The following GLUD1 variants were observed in gnomAD, a reference collection of about 807,000 sequenced individuals.
GLUD1 encodes the protein glutamate dehydrogenase 1, mitochondrial.
In GLUD1, 22 loss-of-function variants were observed where a neutral mutation model predicts 56.0. That is an observed-to-expected ratio of 0.39 (90% CI 0.28 to 0.56). GLUD1 has a LOEUF of 0.56. GLUD1 is among the 20% of genes least tolerant of loss of function. The probability of loss-of-function intolerance (pLI) is 0.58; values close to 1 mark genes in which losing one functional copy is unlikely to be tolerated. For synonymous variants in GLUD1, 223 were observed against 269.9 expected, an observed-to-expected ratio of 0.83 and a Z score of 1.70; for missense variants, 451 against 732.0, an observed-to-expected ratio of 0.62 and a Z score of 4.43.
rs757572079 is a variant in GLUD1 at position 87,062,624 on chromosome 10, ATTAAGGAAACTTTTT to A, written c.921+17_921+31del. 1 of 1,530,258 alleles carries A rather than the reference ATTAAGGAAACTTTTT, an allele frequency of 6.5e-7. No individual in the cohort carries two copies. Among genetic ancestry groups the A allele is most frequent in the Non-Finnish European group, 9.0e-7 (1 of 1,106,102 alleles). The allele number at this position is 1,530,258 out of a possible 1,614,324, so 94.8% of individuals were successfully genotyped here. A position where few individuals can be genotyped will look rare whatever the true frequency, so the allele number is the denominator to read the frequency against. On this transcript the variant is annotated intron_variant, in intron 6 of 12. Transcript: ENST00000277865. The stretch of plus-strand genomic sequence containing the variant: ...AAACTTTACTTAATGTCTATCAGTT[ATTAAGGAAACTTTTT>A]TTGTTTTTGTTTTTACCTGAACAAC...
Position 87,060,589 on chromosome 10 carries a change from C to T in GLUD1, c.1197+99G>A, listed in dbSNP as rs186601265. The stretch of plus-strand genomic sequence containing the variant: ...GTATGTGCAGTATGTGCCAATAAAG[C>T]TGCTAAAAAGAAAGAGAAAACTCAA... On this transcript the variant is annotated intron_variant, in intron 8 of 12. Transcript: ENST00000277865. 884 of 1,421,182 alleles carry T rather than the reference C, an allele frequency of 6.2e-4. 3 individuals carry two copies. The African/African-American group carries it at 0.011, about 18-fold the overall frequency. The allele number at this position is 1,421,182 out of a possible 1,614,324, so 88.0% of individuals were successfully genotyped here.
chr10:87,060,501 C>T (rs997715462), intron 8 of GLUD1, 187 bp downstream of exon 8: 3 of 777,272 alleles, frequency 3.9e-6, no homozygotes, highest in African/African-American at 1.7e-5. Flanking sequence ...GTAATGGTTG[C>T]ACAACTCTGT....
At chr10:87,069,348 T>C (rs1248854264) in intron 4 of GLUD1, among the ~76,000 whole-genome samples, 1 of 151,534 alleles carries the variant, frequency 6.6e-6, no homozygotes. Flanking sequence ...AACCCTGCCT[T>C]TACTAAAAAT....
chr10:87,070,037 C>T (rs1294652287), intron 4 of GLUD1, among the ~76,000 whole-genome samples: 1 of 152,252 alleles, frequency 6.6e-6, no homozygotes, highest in Admixed American at 6.5e-5. Context: ...GTCAGCACAA[C>T]TTTGTTTAAC....
chr10:87,056,029 T>C (rs1000796347), intron 11 of GLUD1, among the ~76,000 whole-genome samples: 1 of 146,382 alleles, frequency 6.8e-6, no homozygotes, highest in African/African-American at 2.6e-5. Context: ...GGCAGGAGAA[T>C]TGCTTGAACC....
In GLUD1 at chr10:87,094,064, T is replaced by G. The variant is rs1841632650; in HGVS notation, c.445+261A>C. On this transcript the variant is annotated intron_variant, in intron 1 of 12. Transcript: ENST00000277865. This position sits in a 1 kb window ranked among gnomAD's most constrained non-coding sequence, Gnocchi z 6.6. The stretch of plus-strand genomic sequence containing the variant: ...AAAAGGAGACCGGTGCAGCGTCTAC[T>G]CTGCATGCAAGATCAGCATATACAG... The G allele has an allele frequency of 4.0e-6, 6 of 1,514,470 alleles. No homozygotes were observed. The South Asian group carries it at 7.2e-5, about 18-fold the overall frequency. The allele number at this position is 1,514,470 out of a possible 1,614,324, so 93.8% of individuals were successfully genotyped here. A position where few individuals can be genotyped will look rare whatever the true frequency, so the allele number is the denominator to read the frequency against.
intron 4 of GLUD1, among the ~76,000 whole-genome samples, chr10:87,072,731 G>A (rs978427314): frequency 5.9e-5 from 9 of 152,156 alleles, no homozygotes; most frequent in Admixed American, 1.3e-4. Flanking sequence ...TGGAGATATT[G>A]CAGATATGGG....
Position 87,060,776 on chromosome 10 carries a change from C to G in GLUD1, c.1109G>C (p.Ser370Thr). 1 of 1,614,208 alleles carries G rather than the reference C, an allele frequency of 6.2e-7. No individual in the cohort carries two copies. Among genetic ancestry groups the G allele is most frequent in the South Asian group, 1.1e-5 (1 of 91,086 alleles). ...GFPKAKPYEG[S>T]ILEADCDILI... ...TATGTCACAGTCGGCCTCCAAGATG[C>G]TTCCTTCATAGGGCTTTGCCTTGGG... The change falls in exon 8 of 13, where the codon AGC (serine) becomes ACC (threonine). Residue 370 changes from serine to threonine, a missense_variant. Coordinates refer to ENST00000277865, the MANE Select transcript of GLUD1 (RefSeq NM_005271.5).
At chr10:87,074,427 G>A (rs1846326373) in intron 4 of GLUD1, 124 bp downstream of exon 4, 8 of 700,390 alleles carry the variant, frequency 1.1e-5, no homozygotes, top group South Asian at 6.2e-5. Flanking sequence ...CTTGAACCCA[G>A]GAGGCGGACG....
intron 1 of GLUD1, chr10:87,089,821 A>AATGACTAGTTATTC: frequency 3.5e-6 from 2 of 570,668 alleles, no homozygotes; most frequent in Non-Finnish European, 4.4e-6. Context: ...TCATTTGAAT[A>AATGACTAGTTATTC]ACTAGTCAGT....
At chr10:87,066,820 C>T (rs776964741) in intron 5 of GLUD1, among the ~76,000 whole-genome samples, 6 of 152,238 alleles carry the variant, frequency 3.9e-5, no homozygotes, top group African/African-American at 7.2e-5. Context: ...TCTCTTCCTA[C>T]TCCTGAAATG....
chr10:87,063,734 T>C (rs1282006680), intron 5 of GLUD1, among the ~76,000 whole-genome samples: 1 of 152,194 alleles, frequency 6.6e-6, no homozygotes, highest in Non-Finnish European at 1.5e-5. Flanking sequence ...AACGAAAGTA[T>C]TTAATGAAGT....
chr10:87,072,344 TTTTTC>T (rs1589369414), intron 4 of GLUD1, among the ~76,000 whole-genome samples: 1 of 152,216 alleles, frequency 6.6e-6, no homozygotes, highest in East Asian at 1.9e-4. Context: ...CCAGCCTCTT[TTTTTC>T]TTTTGTTTTG....
intron 1 of GLUD1, among the ~76,000 whole-genome samples, chr10:87,080,858 C>G (rs1407083583): frequency 6.7e-6 from 1 of 150,334 alleles, no homozygotes; most frequent in Non-Finnish European, 1.5e-5. Context: ...GGGGGGTCAG[C>G]CCCCCGCCCG....
intron 1 of GLUD1, among the ~76,000 whole-genome samples, chr10:87,088,187 T>C (rs556595856): frequency 6.6e-6 from 1 of 151,580 alleles, no homozygotes; most frequent in Admixed American, 6.5e-5. Context: ...TTTTTTTTTT[T>C]GTCATTTATT....
At position 87,085,643 on chromosome 10, in the gene GLUD1, C is replaced by T. The variant is rs1233553091; in HGVS notation, c.445+8682G>A. Among the ~76,000 whole-genome samples, 4 of 152,018 alleles carry T rather than the reference C, an allele frequency of 2.6e-5. No homozygotes were observed. The East Asian group carries it at 5.8e-4, about 22-fold the overall frequency. On this transcript the variant is annotated intron_variant, in intron 1 of 12. Transcript: ENST00000277865. ...ATGTATTTCTATCAAAATTTAAATA[C>T]AAAAAGAAAGCTGAAGACTCCCTTG...
chr10:87,087,958 G>A (rs1448952481), intron 1 of GLUD1, among the ~76,000 whole-genome samples: 1 of 152,148 alleles, frequency 6.6e-6, no homozygotes, highest in African/African-American at 2.4e-5. Context: ...GTGCATGCCT[G>A]TAATCCCAGC....
Position 87,068,047 on chromosome 10 carries a change from TC to T in GLUD1, c.741+15del. On this transcript the variant is annotated intron_variant, in intron 5 of 12. Transcript: ENST00000277865. ...CAGCAAATGCAGAAGCCTCGGGGCT[TC>T]CAGTGGGTACTCACATAGTGCCCTA... 1 of 1,475,760 alleles carries T rather than the reference TC, an allele frequency of 6.8e-7. No homozygotes were observed. Among genetic ancestry groups the T allele is most frequent in the Non-Finnish European group, 9.5e-7 (1 of 1,053,596 alleles). 91.4% of individuals were successfully genotyped at this position (1,475,760 alleles called of 1,614,324 possible). A position where few individuals can be genotyped will look rare whatever the true frequency, so the allele number is the denominator to read the frequency against.
At chr10:87,057,656 T>G in intron 11 of GLUD1, 35 bp downstream of exon 11, 1 of 1,002,478 alleles carries the variant, frequency 1.0e-6, no homozygotes, top group Non-Finnish European at 1.6e-6. Flanking sequence ...GCAGGGAGCA[T>G]GTGTGAAGTA....
Sources: allele counts gnomAD v4.1 joint callset (sites outside exome capture counted in the v4.1 genomes callset), GRCh38; gene constraint gnomAD v4.1.1; non-coding constraint Gnocchi (gnomAD v3.1); transcripts MANE v1.5; gene names NCBI Gene and HGNC (gene_info 2026-07-23, HGNC 2026-07-21).